ALDH1L2: variants seen among roughly 807,000 people sequenced by gnomAD.
The protein encoded by ALDH1L2 is aldehyde dehydrogenase 1 family member L2, also known as mitochondrial 10-formyltetrahydrofolate dehydrogenase.
A neutral mutation model predicts 111.0 loss-of-function variants in ALDH1L2; 91 were observed. The observed-to-expected ratio is 0.82, with a 90% CI of 0.69 to 0.98. The LOEUF is 0.98. Among genes scored for constraint, ALDH1L2 ranks in the 50% least tolerant of loss-of-function variants. ALDH1L2 has a pLI of 0.00. For synonymous variants in ALDH1L2, 374 were observed against 392.6 expected, an observed-to-expected ratio of 0.95 and a Z score of 0.56; for missense variants, 995 against 1,126.8, an observed-to-expected ratio of 0.88 and a Z score of 1.67.
Position 105,066,601 on chromosome 12 carries a change from T to C in ALDH1L2, c.663A>G (p.Thr221=), listed in dbSNP as rs1877368259. Residue 221 remains threonine, a synonymous_variant, in exon 5 of 23, where the codon ACA becomes ACG. Transcript: ENST00000258494. ...TTTCCTTTTTCTGGATACCTTCATA[T>C]GTTGCCCCTTCTTCTGGCTGGGGTA... ...PRIPQPEEGA[T]YEGIQKKENA... The C allele has an allele frequency of 6.2e-7, 1 of 1,614,076 alleles. No homozygotes were observed. The highest frequency in any genetic ancestry group is 1.7e-5 in the Admixed American group (1 of 60,002).
chr12:105,070,571 A>G lies in ALDH1L2; in HGVS notation c.427T>C (p.Trp143Arg). Reference sequence around the variant, plus strand: ...AAAAGTAAAAAGAAAAAATCTCACCAATTGATAGCAGAGGCTCCTCTGTGC... The same window carrying G: ...AAAAGTAAAAAGAAAAAATCTCACCGATTGATAGCAGAGGCTCCTCTGTGC... ...PRHRGASAINWTLIMGDKKAG... is the reference protein window; with the variant it reads ...PRHRGASAINRTLIMGDKKAG... Residue 143 changes from tryptophan (W) to arginine (R), a missense_variant and splice_region_variant, in exon 3 of 23, where the codon TGG becomes CGG. Trp to Arg is a moderately radical substitution (Grantham distance 101). Transcript: ENST00000258494. 6.2e-7 allele frequency: 1 copy of G among 1,600,968 alleles called. No homozygotes were observed. The highest frequency in any genetic ancestry group is 8.5e-7 in the Non-Finnish European group (1 of 1,174,838).
intron 21 of ALDH1L2, 105 bp from the exon 22 acceptor site, chr12:105,026,849 GC>G: frequency 7.5e-7 from 1 of 1,335,250 alleles, no homozygotes; most frequent in Non-Finnish European, 1.0e-6. Context: ...AAACATTACT[GC>G]CATCTGCTTA....
At chr12:105,059,954 G>A (rs569664584) in intron 9 of ALDH1L2, among the ~76,000 whole-genome samples, 46 of 152,302 alleles carry the variant, frequency 3.0e-4, no homozygotes, top group Admixed American at 5.9e-4. Flanking sequence ...CAGCTGTCTT[G>A]TTATCCCAGT....
At chr12:105,060,904 T>C (rs997608109) in intron 9 of ALDH1L2, 77 bp downstream of exon 9, 10 of 1,311,998 alleles carry the variant, frequency 7.6e-6, no homozygotes, top group South Asian at 1.2e-5. Flanking sequence ...AGGATGTGTG[T>C]GGATTTCACT....
chr12:105,065,411 A>G (rs1877290730), intron 5 of ALDH1L2, 55 bp from the exon 6 acceptor site: 1 of 1,441,774 alleles, frequency 6.9e-7, no homozygotes, highest in Admixed American at 1.7e-5. Context: ...CCTCAAAGGC[A>G]ATAAAAACGC....
chr12:105,065,606 G>A (rs73393854), intron 5 of ALDH1L2, among the ~76,000 whole-genome samples: 8,102 of 152,260 alleles, frequency 0.053, 712 homozygotes, highest in African/African-American at 0.18. Flanking sequence ...GAAGTAGAGC[G>A]GGCTGTTGAG....
chr12:105,027,214 A>T (rs571119247), intron 21 of ALDH1L2, among the ~76,000 whole-genome samples: 2 of 152,368 alleles, frequency 1.3e-5, no homozygotes, highest in East Asian at 3.9e-4. Flanking sequence ...GGCTCACACC[A>T]AAAGAAAGTC....
At chr12:105,034,849 TG>T (rs1270768523) in intron 18 of ALDH1L2, among the ~76,000 whole-genome samples, 1 of 152,064 alleles carries the variant, frequency 6.6e-6, no homozygotes, top group Non-Finnish European at 1.5e-5. Context: ...CTGGGCATGG[TG>T]GCAGGTGCCT....
At chr12:105,044,269 T>C (rs184018217) in intron 15 of ALDH1L2, among the ~76,000 whole-genome samples, 10 of 152,250 alleles carry the variant, frequency 6.6e-5, no homozygotes, top group African/African-American at 2.4e-4. Flanking sequence ...TATATACTCA[T>C]TGCCATTCCT....
chr12:105,059,943 C>T (rs944229381), intron 9 of ALDH1L2, among the ~76,000 whole-genome samples: 25 of 152,186 alleles, frequency 1.6e-4, no homozygotes, highest in Admixed American at 8.5e-4. Flanking sequence ...CTGGTGAGCT[C>T]CAGCTGTCTT....
rs577665963 is a variant in ALDH1L2 at position 105,082,904 on chromosome 12, A to G, written c.48+1485T>C. On this transcript the variant is annotated intron_variant, in intron 1 of 22. Transcript: ENST00000258494. ...CAGGATAAAACATCCCACATTTTTC[A>G]TTCACCACTCAGTAGCTTCCTTTCG... Among the ~76,000 whole-genome samples the G allele has an allele frequency of 4.0e-5, 6 of 150,264 alleles. No individual in the cohort carries two copies. In the East Asian group the frequency reaches 1.2e-3, roughly 29 times the overall value.
chr12:105,068,686 T>C (rs1234950757), intron 4 of ALDH1L2, 33 bp downstream of exon 4: 4 of 1,404,814 alleles, frequency 2.8e-6, no homozygotes, highest in African/African-American at 3.0e-5. Context: ...ACTTTAAAGG[T>C]TTACTAAATT....
intron 17 of ALDH1L2, among the ~76,000 whole-genome samples, chr12:105,039,403 T>C (rs753762367): frequency 1.3e-5 from 2 of 152,230 alleles, no homozygotes; most frequent in Non-Finnish European, 2.9e-5. Context: ...TATGTATCTT[T>C]TTGGTTTTTT....
rs776910586 is a variant in ALDH1L2 at position 105,065,288 on chromosome 12, A to G, written c.765T>C (p.Ala255=). The G allele has an allele frequency of 1.1e-4, 169 of 1,609,070 alleles. No homozygotes were observed. The highest frequency in any genetic ancestry group is 1.4e-4 in the Non-Finnish European group (164 of 1,176,580). ...ATACCTGTCCATTTATCTCTGTCCA[A>G]GCTCCAGGGACTTTATCATGACCTC... ...WIRGHDKVPG[A]WTEINGQMVT... is the part of the protein sequence containing the mutation. The change falls in exon 6 of 23, where the codon GCT becomes GCC. Residue 255 remains alanine (A), a synonymous_variant. Coordinates refer to ENST00000258494, the MANE Select transcript of ALDH1L2 (RefSeq NM_001034173.4).
chr12:105,070,774 A>T lies in ALDH1L2; in HGVS notation c.224T>A (p.Val75Glu). 6 of 1,614,146 alleles carry T rather than the reference A, an allele frequency of 3.7e-6. No homozygotes were observed. Among genetic ancestry groups the T allele is most frequent in the Non-Finnish European group, 5.1e-6 (6 of 1,180,020 alleles). ...GACCCTCCATTTAGGAAGCTTGAAC[A>T]CAGGGGTCCCATCTTTCTCTGCAGC... The part of the protein sequence containing the change: ...ALAAEKDGTP[V>E]FKLPKWRVKG... The change falls in exon 3 of 23, where the codon GTG becomes GAG. Residue 75 changes from valine to glutamate, a missense_variant. Physicochemically the swap from Val to Glu is moderately radical, Grantham distance 121. Coordinates refer to ENST00000258494, the MANE Select transcript of ALDH1L2 (RefSeq NM_001034173.4).
chr12:105,075,687 G>T (rs1228831065), intron 1 of ALDH1L2, among the ~76,000 whole-genome samples: 1 of 152,208 alleles, frequency 6.6e-6, no homozygotes, highest in African/African-American at 2.4e-5. Context: ...AGCTATAAAG[G>T]TGAGTTTCTA....
chr12:105,025,882 A>G (rs1233341751), intron 22 of ALDH1L2, among the ~76,000 whole-genome samples: 1 of 152,174 alleles, frequency 6.6e-6, no homozygotes. Flanking sequence ...TCTTCTGTAT[A>G]ATAAGATAAT....
At chr12:105,064,154 T>G (rs1330228446) in intron 6 of ALDH1L2, among the ~76,000 whole-genome samples, 2 of 117,748 alleles carry the variant, frequency 1.7e-5, no homozygotes, top group Non-Finnish European at 3.4e-5. Context: ...TTTTTTTTTT[T>G]GTATTTTTAG....
At chr12:105,036,962 T>C (rs1875190553) in intron 18 of ALDH1L2, among the ~76,000 whole-genome samples, 1 of 152,102 alleles carries the variant, frequency 6.6e-6, no homozygotes, top group Non-Finnish European at 1.5e-5. Context: ...TTGGTTCTTC[T>C]TCACTCCCAG....
Sources: gnomAD v4.1 joint callset for allele counts (sites outside exome capture counted in the v4.1 genomes callset) on GRCh38, gnomAD v4.1.1 for gene constraint, MANE v1.5 for transcripts, NCBI Gene and HGNC (gene_info 2026-07-23, HGNC 2026-07-21) for gene names.